The following KIF25 variants were observed in gnomAD, a reference collection of about 807,000 sequenced individuals.
The protein encoded by KIF25 is kinesin-like protein KIF25.
A neutral mutation model predicts 32.9 loss-of-function variants in KIF25; 19 were observed. That is an observed-to-expected ratio of 0.58 (90% CI 0.40 to 0.85). The LOEUF is 0.85. KIF25 is among the 40% of genes least tolerant of loss of function. The probability of loss-of-function intolerance (pLI) is 0.00; values close to 1 mark genes in which losing one functional copy is unlikely to be tolerated. For synonymous variants in KIF25, 225 were observed against 213.7 expected (o/e 1.05, Z -0.46); for missense variants, 485 against 507.0 (o/e 0.96, Z 0.42).
At chr6:168,041,550 T>G (rs184933913) in intron 10 of KIF25, among the ~76,000 whole-genome samples, 71 of 152,370 alleles carry the variant, frequency 4.7e-4, no homozygotes, top group African/African-American at 1.6e-3. Context: ...GAAGTTTGTT[T>G]AGGAATAACA....
intron 4 of KIF25, among the ~76,000 whole-genome samples, chr6:168,016,492 A>C (rs568082530): frequency 2.6e-5 from 4 of 152,296 alleles, no homozygotes; most frequent in East Asian, 3.9e-4. Context: ...TGGGGCCTGC[A>C]TCCCCACCCA....
chr6:168,000,967 A>G (rs1798493049), intron 2 of KIF25, among the ~76,000 whole-genome samples: 1 of 152,248 alleles, frequency 6.6e-6, no homozygotes, highest in South Asian at 2.1e-4. Flanking sequence ...GGCCGGTTCT[A>G]CAGTGTGAAA....
intron 10 of KIF25, among the ~76,000 whole-genome samples, chr6:168,040,957 C>T (rs1799110164): frequency 6.6e-6 from 1 of 152,214 alleles, no homozygotes; most frequent in Non-Finnish European, 1.5e-5. Context: ...GCGTCCAATT[C>T]CCTGCAGCAG....
intron 8 of KIF25, among the ~76,000 whole-genome samples, chr6:168,034,831 ATAGT>A (rs1401768014): frequency 1.6e-4 from 25 of 152,246 alleles, no homozygotes; most frequent in Admixed American, 1.2e-3. Flanking sequence ...TTTCACCAAC[ATAGT>A]TAGTTCTAGG....
intron 4 of KIF25, among the ~76,000 whole-genome samples, chr6:168,014,130 A>G (rs1175773341): frequency 6.6e-6 from 1 of 152,134 alleles, no homozygotes; most frequent in African/African-American, 2.4e-5. Flanking sequence ...GACCTTATCA[A>G]TCCCCTCCTG....
chr6:168,042,031 A>G lies in KIF25; in HGVS notation c.709A>G (p.Ser237Gly), dbSNP rs1417799490. Residue 237 changes from serine to glycine, a missense_variant, in exon 11 of 13, where the codon AGC (serine) becomes GGC (glycine). Ser to Gly is a moderately conservative substitution (Grantham distance 56). Around this residue, in one of 2 missense-constraint regions of KIF25, gnomAD observed 480 missense variants for 470.3 expected, o/e 1.02. Coordinates refer to ENST00000643607, the MANE Select transcript of KIF25 (RefSeq NM_030615.4). ...AACAGAGGCAGGAAGGGCAGGAAGG[A>G]GCCGCAGAGCTTCTCAAGGGGCCTT... is the stretch of plus-strand genomic sequence containing the variant. ...EQTEAGRAGR[S>G]RRASQGALAP... The G allele has an allele frequency of 3.2e-6, 5 of 1,551,382 alleles. No homozygotes were observed. Among genetic ancestry groups the G allele is most frequent in the South Asian group, 1.2e-5 (1 of 84,074 alleles).
At chr6:168,041,916 C>T in intron 10 of KIF25, 53 bp from the exon 11 acceptor site, 1 of 1,528,308 alleles carries the variant, frequency 6.5e-7, no homozygotes, top group Admixed American at 2.0e-5. Context: ...AAAGCACAGC[C>T]TCATGGCTTC....
chr6:167,999,485 A>C (rs1798467521), intron 2 of KIF25, among the ~76,000 whole-genome samples, 165 bp downstream of exon 2: 1 of 152,198 alleles, frequency 6.6e-6, no homozygotes, highest in Admixed American at 6.5e-5. Flanking sequence ...TCTTGCTGAC[A>C]GTGGACACTC....
chr6:168,040,026 C>T lies in KIF25; in HGVS notation c.495-39C>T, dbSNP rs7760372. The T allele has an allele frequency of 4.4e-3, 6,932 of 1,579,904 alleles. 296 individuals are homozygous for T. The African/African-American group carries it at 0.084, about 19-fold the overall frequency. ...GGAAGTCGCCTTAGGTAAGGGGGGC[C>T]GCCCTCACTGTGTTCCCCACTGCTT... On this transcript the variant is annotated intron_variant, in intron 9 of 12. Transcript: ENST00000643607.
intron 12 of KIF25, 132 bp from the exon 13 acceptor site, chr6:168,044,695 T>G: frequency 1.1e-6 from 1 of 887,028 alleles, no homozygotes; most frequent in Non-Finnish European, 1.7e-6. Context: ...CTGCCAGACG[T>G]GGCCACTTTC....
At chr6:168,009,574 T>C (rs1340310694) in intron 4 of KIF25, among the ~76,000 whole-genome samples, 1 of 152,170 alleles carries the variant, frequency 6.6e-6, no homozygotes, top group East Asian at 1.9e-4. Context: ...ATCCCGGTTA[T>C]GCTGGCCTTG....
At chr6:168,041,941 C>G in intron 10 of KIF25, 28 bp from the exon 11 acceptor site, 3 of 1,548,326 alleles carry the variant, frequency 1.9e-6, no homozygotes, top group Non-Finnish European at 2.6e-6. Flanking sequence ...AACTGTTTTC[C>G]TCCTCGTCGC....
intron 5 of KIF25, among the ~76,000 whole-genome samples, chr6:168,025,300 C>A (rs1019536062): frequency 6.6e-6 from 1 of 152,126 alleles, no homozygotes; most frequent in Admixed American, 6.5e-5. Context: ...CGGTTGGAGG[C>A]CGCTGCTCCA....
Position 168,014,028 on chromosome 6 carries a change from T to G in KIF25, c.-162-3945T>G, listed in dbSNP as rs139920954. On this transcript the variant is annotated intron_variant, in intron 4 of 12. Transcript: ENST00000643607. ...ATATATATATATATATTTATCTCAC[T>G]TGATGCCTTAAGCACCAGTATTCTT... 5.0e-3 allele frequency among the ~76,000 whole-genome samples: 757 copies of G among 152,096 alleles called. 5 individuals are homozygous for G. The highest frequency in any genetic ancestry group is 0.018 in the African/African-American group (728 of 41,524).
In KIF25 at chr6:168,042,813, G is replaced by T. The variant is rs955013950; in HGVS notation, c.985+97G>T. The T allele has an allele frequency of 2.2e-6, 3 of 1,341,288 alleles. No individual in the cohort carries two copies. In the African/African-American group the frequency reaches 4.4e-5, roughly 20 times the overall value. 83.1% of individuals were successfully genotyped at this position (1,341,288 alleles called of 1,614,324 possible). Reference sequence around the variant, plus strand: ...CTGCACGTCCTCGAGGGCCACCCATGCACCCCCTGCACCTCCTGTGTCCTC... The same window carrying T: ...CTGCACGTCCTCGAGGGCCACCCATTCACCCCCTGCACCTCCTGTGTCCTC... On this transcript the variant is annotated intron_variant, in intron 12 of 12. Transcript: ENST00000643607.
intron 5 of KIF25, among the ~76,000 whole-genome samples, chr6:168,027,912 C>T (rs1583138423): frequency 6.6e-6 from 1 of 152,130 alleles, no homozygotes; most frequent in African/African-American, 2.4e-5. Flanking sequence ...CTTGATAGAA[C>T]AGAAATATTT....
At chr6:168,035,815 C>T in intron 8 of KIF25, 1 of 456,002 alleles carries the variant, frequency 2.2e-6, no homozygotes. Context: ...TGAGTGGCCC[C>T]GGGCAAGGCC....
Position 168,029,472 on chromosome 6 carries a change from C to G in KIF25, c.-94-20C>G. ...GGTCGTGGTAATACTGTTACGTTTT[C>G]AAGTCATGATCCTTTACAGATATAC... On this transcript the variant is annotated intron_variant, in intron 5 of 12. Transcript: ENST00000643607. The G allele has an allele frequency of 6.7e-7, 1 of 1,491,918 alleles. No homozygotes were observed. The allele number at this position is 1,491,918 out of a possible 1,614,324, so 92.4% of individuals were successfully genotyped here. A position where few individuals can be genotyped will look rare whatever the true frequency, so the allele number is the denominator to read the frequency against.
At chr6:168,010,399 G>T (rs1220453745) in intron 4 of KIF25, among the ~76,000 whole-genome samples, 1 of 152,074 alleles carries the variant, frequency 6.6e-6, no homozygotes, top group African/African-American at 2.4e-5. Context: ...TCATTCAGGA[G>T]CATGTTGCTC....
Sources: allele counts gnomAD v4.1 joint callset (sites outside exome capture counted in the v4.1 genomes callset), GRCh38; gene constraint gnomAD v4.1.1; regional missense constraint gnomAD v4.1.1; transcripts MANE v1.5; gene names NCBI Gene and HGNC (gene_info 2026-07-23, HGNC 2026-07-21).